Variants in GALNT5 observed in about 807,000 individuals in gnomAD.
GALNT5 encodes the protein polypeptide N-acetylgalactosaminyltransferase 5, also known as UDP-GalNAc:polypeptide N-acetylgalactosaminyltransferase 5.
Under a neutral mutation model 85.4 loss-of-function variants are expected in GALNT5, and 72 were observed. That is an observed-to-expected ratio of 0.84 (90% CI 0.70 to 1.03). The LOEUF (loss-of-function observed/expected upper bound fraction) is 1.03, where lower values mean the gene tolerates loss of function less well. Among genes scored for constraint, GALNT5 ranks in the 50% least tolerant of loss-of-function variants. The pLI, the probability that GALNT5 is intolerant of heterozygous loss-of-function variation, is 0.00. For missense variants in GALNT5, 1,137 were observed against 1,135.5 expected (o/e 1.00, Z -0.02); for synonymous variants, 404 against 397.0 (o/e 1.02, Z -0.21).
At chr2:157,261,069 G>T (rs1440169231) in intron 1 of GALNT5, among the ~76,000 whole-genome samples, 1 of 152,166 alleles carries the variant, frequency 6.6e-6, no homozygotes, top group East Asian at 1.9e-4. Flanking sequence ...CCTAAAAATT[G>T]TGTTGGCCCA....
At chr2:157,264,232 T>C (rs1007552440) in intron 1 of GALNT5, among the ~76,000 whole-genome samples, 4 of 151,850 alleles carry the variant, frequency 2.6e-5, no homozygotes, top group Non-Finnish European at 4.4e-5. Context: ...TAAAATGTGA[T>C]CCTATGCAGG....
chr2:157,309,722 G>T (rs1218790521), intron 9 of GALNT5, among the ~76,000 whole-genome samples: 2 of 152,162 alleles, frequency 1.3e-5, no homozygotes, highest in Admixed American at 1.3e-4. Flanking sequence ...CCTGCTCAGA[G>T]CCAAAACTGG....
chr2:157,277,230 C>A (rs1204560839), intron 1 of GALNT5, among the ~76,000 whole-genome samples: 6 of 152,142 alleles, frequency 3.9e-5, no homozygotes, highest in Non-Finnish European at 8.8e-5. Flanking sequence ...CTGAGGAATG[C>A]TTTACTTCCA....
At chr2:157,271,173 T>G (rs1161525891) in intron 1 of GALNT5, among the ~76,000 whole-genome samples, 2 of 151,238 alleles carry the variant, frequency 1.3e-5, no homozygotes, top group East Asian at 3.9e-4. Flanking sequence ...AGATAGGAAC[T>G]AAAGGAATAG....
intron 1 of GALNT5, among the ~76,000 whole-genome samples, chr2:157,272,969 C>A (rs1682624086): frequency 6.6e-6 from 1 of 152,218 alleles, no homozygotes; most frequent in Non-Finnish European, 1.5e-5. Flanking sequence ...TTGGTAGGAA[C>A]TACATTCCTA....
intron 9 of GALNT5, among the ~76,000 whole-genome samples, chr2:157,309,045 A>C (rs1683515437): frequency 6.6e-6 from 1 of 152,190 alleles, no homozygotes; most frequent in Non-Finnish European, 1.5e-5. Context: ...ACTGGTCCCC[A>C]CTGGTCATCA....
chr2:157,286,449 A>G (rs916154283), intron 3 of GALNT5, among the ~76,000 whole-genome samples: 7 of 152,156 alleles, frequency 4.6e-5, no homozygotes, highest in African/African-American at 1.7e-4. Flanking sequence ...AACTAAATAT[A>G]ATACCTACTA....
chr2:157,274,052 C>A (rs190105924), intron 1 of GALNT5, among the ~76,000 whole-genome samples: 102 of 152,122 alleles, frequency 6.7e-4, no homozygotes, highest in Middle Eastern at 6.8e-3. Context: ...TCAATTCCCA[C>A]CTATGAGTGA....
intron 9 of GALNT5, among the ~76,000 whole-genome samples, chr2:157,309,957 G>A (rs996713263): frequency 6.6e-6 from 1 of 152,068 alleles, no homozygotes; most frequent in Non-Finnish European, 1.5e-5. Context: ...TTCTCCCTGT[G>A]CCAAAGTCAG....
intron 9 of GALNT5, among the ~76,000 whole-genome samples, chr2:157,310,954 A>T (rs1474112956): frequency 2.0e-5 from 3 of 152,214 alleles, no homozygotes; most frequent in African/African-American, 7.2e-5. Context: ...CAGCCATATC[A>T]TCAAGAAATT....
rs1172276627 is a variant in GALNT5, at chr2:157,318,403, A to T, written c.*7055A>T. 6.6e-6 allele frequency among the ~76,000 whole-genome samples: 1 copy of T among 152,184 alleles called. No individual in the cohort carries two copies. Among genetic ancestry groups the T allele is most frequent in the African/African-American group, 2.4e-5 (1 of 41,456 alleles). On this transcript the variant is annotated 3_prime_UTR_variant, in exon 10 of 10. Transcript: ENST00000259056. ...ATGATAAAAATTTTTCATGTATATT[A>T]CATATCTACCTACCAGAAATCCTTT...
intron 1 of GALNT5, among the ~76,000 whole-genome samples, chr2:157,283,234 A>G (rs1360715777): frequency 1.3e-5 from 2 of 152,240 alleles, no homozygotes; most frequent in Non-Finnish European, 2.9e-5. Flanking sequence ...TGAGGTCGAC[A>G]TTGAAATAAT....
At chr2:157,306,210 T>C (rs1683453011) in intron 8 of GALNT5, among the ~76,000 whole-genome samples, 1 of 152,146 alleles carries the variant, frequency 6.6e-6, no homozygotes, top group African/African-American at 2.4e-5. Context: ...TCTGTAAATG[T>C]TTGCTGTAAT....
intron 2 of GALNT5, 68 bp downstream of exon 2, chr2:157,284,516 T>G: frequency 8.6e-7 from 1 of 1,161,758 alleles, no homozygotes; most frequent in Non-Finnish European, 1.3e-6. Flanking sequence ...TAGTAGCAGT[T>G]TGGATGGCAA....
intron 1 of GALNT5, among the ~76,000 whole-genome samples, chr2:157,279,696 T>C (rs1368156951): frequency 6.6e-6 from 1 of 152,196 alleles, no homozygotes; most frequent in Admixed American, 6.5e-5. Context: ...TGGGCAGAAG[T>C]GTCCCATTTT....
At chr2:157,299,893 C>G (rs1337430588) in intron 6 of GALNT5, among the ~76,000 whole-genome samples, 1 of 152,124 alleles carries the variant, frequency 6.6e-6, no homozygotes, top group Non-Finnish European at 1.5e-5. Flanking sequence ...ACCATTTCTG[C>G]TTATAAATAT....
intron 3 of GALNT5, among the ~76,000 whole-genome samples, chr2:157,291,633 A>ACCCCCCCCCCCC (rs10650005): frequency 1.7e-5 from 2 of 117,034 alleles, no homozygotes; most frequent in African/African-American, 3.4e-5. Flanking sequence ...GTTACCACCC[A>ACCCCCCCCCCCC]CCCCCCCCCA....
intron 1 of GALNT5, among the ~76,000 whole-genome samples, chr2:157,263,780 A>G (rs1682400263): frequency 1.3e-5 from 2 of 152,230 alleles, no homozygotes; most frequent in African/African-American, 2.4e-5. Context: ...GTCTGTTTAT[A>G]AATTAATAAT....
chr2:157,268,214 G>A (rs1682502354), intron 1 of GALNT5, among the ~76,000 whole-genome samples: 1 of 152,168 alleles, frequency 6.6e-6, no homozygotes, highest in East Asian at 1.9e-4. Flanking sequence ...ATGAGAGAAT[G>A]TTATCATTCC....
Sources: gnomAD v4.1 joint callset for allele counts (sites outside exome capture counted in the v4.1 genomes callset) on GRCh38, gnomAD v4.1.1 for gene constraint, MANE v1.5 for transcripts, NCBI Gene and HGNC (gene_info 2026-07-23, HGNC 2026-07-21) for gene names.